Variants in CCN5 observed in about 807,000 individuals in gnomAD.
CCN5 encodes CCN family member 5.
In CCN5, 17 loss-of-function variants were observed where a neutral mutation model predicts 18.7. The observed-to-expected ratio is 0.91, with a 90% CI of 0.62 to 1.36. The LOEUF (loss-of-function observed/expected upper bound fraction) is 1.36, where lower values mean the gene tolerates loss of function less well. Among genes scored for constraint, CCN5 ranks in the 40% most tolerant of loss-of-function variants. The pLI, the probability that CCN5 is intolerant of heterozygous loss-of-function variation, is 0.00. For synonymous variants in CCN5, 135 were observed against 145.2 expected, an observed-to-expected ratio of 0.93 and a Z score of 0.50; for missense variants, 367 against 342.9, an observed-to-expected ratio of 1.07 and a Z score of -0.56.
At chr20:44,715,519 C>T in intron 1 of CCN5, 69 bp downstream of exon 1, 18 of 1,508,002 alleles carry the variant, frequency 1.2e-5, no homozygotes, top group Admixed American at 5.9e-5. Flanking sequence ...GATGTAAAAT[C>T]GCAGCCAAGG....
intron 2 of CCN5, chr20:44,721,038 T>C (rs1028414531): frequency 6.6e-6 from 1 of 152,194 alleles, no homozygotes; most frequent in African/African-American, 2.4e-5. Flanking sequence ...TTTAGAGAAA[T>C]GCAAAGAGGC....
intron 1 of CCN5, among the ~76,000 whole-genome samples, chr20:44,717,768 T>G (rs986279904): frequency 1.2e-4 from 18 of 151,268 alleles, no homozygotes; most frequent in Non-Finnish European, 2.2e-4. Context: ...CCTAGCTACT[T>G]GGGAGGCTGA....
At chr20:44,718,362 TGA>T (rs1211485494) in intron 1 of CCN5, among the ~76,000 whole-genome samples, 1 of 152,142 alleles carries the variant, frequency 6.6e-6, no homozygotes, top group African/African-American at 2.4e-5. Context: ...ACAGGAGATA[TGA>T]GGTCATTAAT....
Position 44,724,722 on chromosome 20 carries a change from G to C in CCN5, c.278-16G>C, listed in dbSNP as rs775593854. 1 of 1,612,126 alleles carries C rather than the reference G, an allele frequency of 6.2e-7. No homozygotes were observed. Among genetic ancestry groups the C allele is most frequent in the South Asian group, 1.1e-5 (1 of 91,014 alleles). On this transcript the variant is annotated splice_polypyrimidine_tract_variant and intron_variant, in intron 2 of 3. Coordinates refer to ENST00000190983, the MANE Select transcript of CCN5 (RefSeq NM_003881.4). ...CTTTGCGGGTCACCGATGGGGGTGCGGTTTTTCCTCCGCAGTGGCAGAGGA... is the reference window on the plus strand; with the variant it reads ...CTTTGCGGGTCACCGATGGGGGTGCCGTTTTTCCTCCGCAGTGGCAGAGGA...
In CCN5 at chr20:44,719,870, G is replaced by A. The variant is rs771880179; in HGVS notation, c.61-27G>A. 46 of 1,602,990 alleles carry A rather than the reference G, an allele frequency of 2.9e-5. 1 individual carries two copies. The South Asian group carries it at 5.0e-4, about 18-fold the overall frequency. ...CTCACTGCCCACCTCGAAAGCCCGT[G>A]GCTGAGTGAGGTCTCTGTCTCTTCA... On this transcript the variant is annotated intron_variant, in intron 1 of 3. Transcript: ENST00000190983.
At chr20:44,724,302 A>T (rs929529993) in intron 2 of CCN5, 14 of 158,466 alleles carry the variant, frequency 8.8e-5, no homozygotes, top group Non-Finnish European at 1.9e-4. Flanking sequence ...CTTTATTAAT[A>T]TATAGTAACT....
chr20:44,720,276 A>C, intron 2 of CCN5, 163 bp downstream of exon 2: 1 of 715,322 alleles, frequency 1.4e-6, no homozygotes, highest in Admixed American at 2.9e-5. Flanking sequence ...CCCACTCCCC[A>C]CTCCCTCCTC....
Position 44,715,591 on chromosome 20 carries a change from G to A in CCN5, c.60+141G>A, listed in dbSNP as rs565697291. On this transcript the variant is annotated intron_variant, in intron 1 of 3. Transcript: ENST00000190983. The stretch of plus-strand genomic sequence containing the variant: ...GGCACAGTCTGGCCCCCATGCCTAA[G>A]CAGGGCTTCTCTCCCTGGAACTCAG... 352 of 917,378 alleles carry A rather than the reference G, an allele frequency of 3.8e-4. 4 individuals are homozygous for A. In the Admixed American group the frequency reaches 7.7e-3, roughly 20 times the overall value. The allele number at this position is 917,378 out of a possible 1,614,324, so 56.8% of individuals were successfully genotyped here.
At chr20:44,716,528 G>A (rs1291508143) in intron 1 of CCN5, 3 of 152,394 alleles carry the variant, frequency 2.0e-5, no homozygotes, top group Non-Finnish European at 2.9e-5. Flanking sequence ...TGGGTAGTTG[G>A]AATAGGGGAC....
intron 3 of CCN5, 103 bp from the exon 4 acceptor site, chr20:44,726,984 G>C: frequency 3.5e-6 from 4 of 1,129,202 alleles, no homozygotes; most frequent in Non-Finnish European, 3.8e-6. Context: ...GATGCAGAGA[G>C]GCTGAGCCAT....
rs2065946598 is a variant in CCN5, at chr20:44,727,714, TG to T, written c.*412del. On this transcript the variant is annotated 3_prime_UTR_variant, in exon 4 of 4. Coordinates refer to ENST00000190983, the MANE Select transcript of CCN5 (RefSeq NM_003881.4). Reference sequence around the variant, plus strand: ...TGCTGGGCTGGACTGGCCATTTTTCTGGGGGTAGGATGAAGAGAAGGCACAC... The same window carrying T: ...TGCTGGGCTGGACTGGCCATTTTTCTGGGGTAGGATGAAGAGAAGGCACAC... 2.7e-6 allele frequency: 1 copy of T among 366,506 alleles called. No individual in the cohort carries two copies. Among genetic ancestry groups the T allele is most frequent in the Non-Finnish European group, 4.7e-6 (1 of 211,668 alleles). 22.7% of individuals were successfully genotyped at this position (366,506 alleles called of 1,614,324 possible). A position where few individuals can be genotyped will look rare whatever the true frequency, so the allele number is the denominator to read the frequency against.
upstream of CCN5, chr20:44,715,252 TGTGTGTGTGAGC>T (rs752529815): frequency 0.026 from 12,503 of 481,948 alleles, 199 homozygotes; most frequent in East Asian, 0.073. Flanking sequence ...TGTGTGTGTG[TGTGTGTGTGAGC>T]GCGCGCGCGC....
rs1568881604 is a variant in CCN5, at chr20:44,724,907, G to A, written c.447G>A (p.Arg149=). Reference sequence around the variant, plus strand: ...CCAGCTGGGACTGCCCCCACCCCAGGAGGGTCGAGGTCCTGGGCAAGTGCT... The same window carrying A: ...CCAGCTGGGACTGCCCCCACCCCAGAAGGGTCGAGGTCCTGGGCAAGTGCT... ...RLPSWDCPHP[R]RVEVLGKCCP... is the part of the protein sequence containing the mutation. The change falls in exon 3 of 4, where the codon AGG becomes AGA. Residue 149 remains arginine, a synonymous_variant. Transcript: ENST00000190983. 1.9e-6 allele frequency: 3 copies of A among 1,594,174 alleles called. No individual in the cohort carries two copies. The highest frequency in any genetic ancestry group is 2.3e-5 in the South Asian group (2 of 87,882).
intron 2 of CCN5, chr20:44,720,973 T>A (rs978901791): frequency 6.6e-6 from 1 of 152,182 alleles, no homozygotes; most frequent in African/African-American, 2.4e-5. Flanking sequence ...ACAGTCTGTC[T>A]TCAGACAGTG....
chr20:44,724,753 G>A lies in CCN5; in HGVS notation c.293G>A (p.Ser98Asn), dbSNP rs368134951. The change falls in exon 3 of 4, where the codon AGC (serine) becomes AAC (asparagine). Residue 98 changes from serine to asparagine, a missense_variant. Transcript: ENST00000190983. ...GALCLLAEDD[S>N]SCEVNGRLYR... ...TCCTCCGCAGTGGCAGAGGACGACA[G>A]CAGCTGTGAGGTGAACGGCCGCCTG... 2 of 1,612,686 alleles carry A rather than the reference G, an allele frequency of 1.2e-6. No individual in the cohort carries two copies. Among genetic ancestry groups the A allele is most frequent in the South Asian group, 2.2e-5 (2 of 91,020 alleles).
intron 2 of CCN5, among the ~76,000 whole-genome samples, chr20:44,723,360 C>A (rs371125550): frequency 1.1e-4 from 16 of 150,442 alleles, no homozygotes; most frequent in African/African-American, 3.9e-4. Context: ...ATGTGCCAGG[C>A]TTGGGGCAAA....
intron 1 of CCN5, among the ~76,000 whole-genome samples, chr20:44,717,059 C>G (rs1400155937): frequency 6.6e-6 from 1 of 152,172 alleles, no homozygotes; most frequent in Non-Finnish European, 1.5e-5. Context: ...CCAGATATCA[C>G]AGCAAGGCCC....
chr20:44,718,422 A>T (rs2065875249), intron 1 of CCN5, among the ~76,000 whole-genome samples: 1 of 152,154 alleles, frequency 6.6e-6, no homozygotes. Context: ...TGAAACCCTC[A>T]TCCCCTAAGG....
At chr20:44,714,900 T>C (rs1362741463), upstream of CCN5, 1 of 155,286 alleles carries the variant, frequency 6.4e-6, no homozygotes, top group Non-Finnish European at 1.4e-5. Context: ...TTGGGTCAGC[T>C]CTGCAAAGGG....
Sources: gnomAD v4.1 joint callset for allele counts (sites outside exome capture counted in the v4.1 genomes callset) on GRCh38, gnomAD v4.1.1 for gene constraint, MANE v1.5 for transcripts, NCBI Gene and HGNC (gene_info 2026-07-23, HGNC 2026-07-21) for gene names.